Variants in OCIAD1 observed in about 807,000 individuals in gnomAD.
OCIAD1 encodes the protein OCIA domain-containing protein 1.
OCIAD1 carries 29 observed loss-of-function variants against 38.9 expected under a neutral mutation model. The ratio of observed to expected loss-of-function variants is 0.74; its 90% CI spans 0.55 to 1.02. OCIAD1 has a LOEUF of 1.02. OCIAD1 is among the 50% of genes least tolerant of loss of function. OCIAD1 has a pLI of 0.00. For missense variants in OCIAD1, 288 were observed against 289.6 expected (o/e 0.99, Z 0.04); for synonymous variants, 110 against 92.0 (o/e 1.20, Z -1.12).
intron 1 of OCIAD1, among the ~76,000 whole-genome samples, chr4:48,825,618 C>T (rs1256311204): frequency 2.0e-5 from 3 of 152,168 alleles, no homozygotes; most frequent in Non-Finnish European, 4.4e-5. Flanking sequence ...GAAACTGGCC[C>T]ATGGTCTCTG....
At chr4:48,849,411 C>G (rs1779235009) in intron 5 of OCIAD1, among the ~76,000 whole-genome samples, 1 of 152,100 alleles carries the variant, frequency 6.6e-6, no homozygotes, top group Admixed American at 6.6e-5. Context: ...CTATTTGAAA[C>G]TCATGTGATG....
In OCIAD1 at chr4:48,833,394, T is replaced by TA; in HGVS notation, c.59-2dup. 2 of 1,541,300 alleles carry TA rather than the reference T, an allele frequency of 1.3e-6. No homozygotes were observed. Among genetic ancestry groups the TA allele is most frequent in the Non-Finnish European group, 1.8e-6 (2 of 1,123,584 alleles). ...TTTAATGTTTTCTGATTTTCCCTGG[T>TA]AAAAAGACATAGGGCCTGATTACAT... On this transcript the variant is annotated splice_region_variant and splice_polypyrimidine_tract_variant and intron_variant, in intron 2 of 8. Transcript: ENST00000264312.
chr4:48,859,861 G>GC (rs1278539345), intron 8 of OCIAD1, among the ~76,000 whole-genome samples: 3 of 152,138 alleles, frequency 2.0e-5, no homozygotes, highest in African/African-American at 7.2e-5. Context: ...TCCATTAGCT[G>GC]CCAGAGCAAT....
chr4:48,825,975 T>C (rs184355055), intron 1 of OCIAD1, among the ~76,000 whole-genome samples: 1 of 152,152 alleles, frequency 6.6e-6, no homozygotes, highest in Admixed American at 6.5e-5. Flanking sequence ...TAGCTGGGAT[T>C]ACAGGCATGC....
At chr4:48,829,251 C>A (rs573866137), upstream of OCIAD1, among the ~76,000 whole-genome samples, 30 of 151,686 alleles carry the variant, frequency 2.0e-4, no homozygotes, top group Admixed American at 7.9e-4. Flanking sequence ...TAGAGCAAGG[C>A]CCTGTCCTAA....
At chr4:48,850,676 T>A (rs1779367024) in intron 6 of OCIAD1, among the ~76,000 whole-genome samples, 1 of 152,150 alleles carries the variant, frequency 6.6e-6, no homozygotes, top group Non-Finnish European at 1.5e-5. Context: ...TGGGCTCAAG[T>A]GATCCTCCTC....
intron 6 of OCIAD1, among the ~76,000 whole-genome samples, chr4:48,850,556 G>C (rs1175916467): frequency 2.6e-5 from 4 of 152,090 alleles, no homozygotes; most frequent in African/African-American, 9.7e-5. Flanking sequence ...GTGAACCACT[G>C]TGCCTGGTTC....
At chr4:48,846,502 A>C (rs11729065) in intron 4 of OCIAD1, among the ~76,000 whole-genome samples, 77,507 of 151,936 alleles carry the variant, frequency 0.51, 20,121 homozygotes, top group South Asian at 0.6. Flanking sequence ...TAATCCCAGC[A>C]CTTTGGGAGG....
At chr4:48,846,484 C>T (rs761640063) in intron 4 of OCIAD1, among the ~76,000 whole-genome samples, 9 of 152,176 alleles carry the variant, frequency 5.9e-5, no homozygotes, top group South Asian at 2.1e-4. Context: ...TACGGTGGCT[C>T]ATGCCGGTAA....
chr4:48,833,575 T>C (rs1777724685), intron 3 of OCIAD1, 94 bp downstream of exon 3: 7 of 750,348 alleles, frequency 9.3e-6, no homozygotes, highest in Non-Finnish European at 1.3e-5. Flanking sequence ...TAACTCCGTA[T>C]AGAACAAATT....
intron 1 of OCIAD1, among the ~76,000 whole-genome samples, chr4:48,825,818 T>G (rs1333716648): frequency 2.0e-5 from 3 of 151,490 alleles, no homozygotes; most frequent in African/African-American, 2.4e-5. Context: ...CTTTCTTACT[T>G]TCTTTTTCTT....
upstream of OCIAD1, among the ~76,000 whole-genome samples, chr4:48,828,629 C>T (rs1253667870): frequency 5.3e-5 from 8 of 152,012 alleles, no homozygotes; most frequent in Admixed American, 1.3e-4. Flanking sequence ...CAACTCCAGA[C>T]GGGAGGAATG....
Position 48,849,998 on chromosome 4 carries a change from G to T in OCIAD1, c.293G>T (p.Cys98Phe). 1 of 1,613,002 alleles carries T rather than the reference G, an allele frequency of 6.2e-7. No individual in the cohort carries two copies. Among genetic ancestry groups the T allele is most frequent in the Non-Finnish European group, 8.5e-7 (1 of 1,179,586 alleles). Residue 98 changes from cysteine (C) to phenylalanine (F), a missense_variant, in exon 6 of 9, where the codon TGC (cysteine) becomes TTC (phenylalanine). Transcript: ENST00000264312. Reference protein sequence around the residue: ...FAGKLSYVKTCQEKFKKLENS... With the variant: ...FAGKLSYVKTFQEKFKKLENS... ...GGAAAACTTTCTTATGTGAAAACTT[G>T]CCAAGAGAAATTCAAGAAACTTGAA...
intron 1 of OCIAD1, among the ~76,000 whole-genome samples, chr4:48,810,207 G>A (rs1024991119): frequency 9.2e-5 from 14 of 151,984 alleles, no homozygotes; most frequent in Non-Finnish European, 1.8e-4. Context: ...GTGTGTTTAA[G>A]AGATGAGATC....
intron 1 of OCIAD1, chr4:48,831,513 G>A (rs1353725214): frequency 1.5e-6 from 2 of 1,290,714 alleles, no homozygotes; most frequent in Admixed American, 2.3e-5. Flanking sequence ...GACGGACACT[G>A]GGTGGAGGAT....
chr4:48,813,579 G>T (rs779431885), intron 1 of OCIAD1, among the ~76,000 whole-genome samples: 26 of 152,226 alleles, frequency 1.7e-4, no homozygotes, highest in Non-Finnish European at 3.5e-4. Context: ...ACTTGAGCCG[G>T]GGAGGTGGAG....
chr4:48,814,525 C>A (rs1057420233), intron 1 of OCIAD1, among the ~76,000 whole-genome samples: 8 of 152,054 alleles, frequency 5.3e-5, no homozygotes, highest in African/African-American at 1.9e-4. Flanking sequence ...ATAATTTACA[C>A]AACAGCATCG....
Position 48,853,662 on chromosome 4 carries a change from A to C in OCIAD1, c.547+1687A>C, listed in dbSNP as rs376730239. Among the ~76,000 whole-genome samples, 17 of 152,328 alleles carry C rather than the reference A, an allele frequency of 1.1e-4. 1 individual carries two copies. In the South Asian group the frequency reaches 1.7e-3, roughly 15 times the overall value. On this transcript the variant is annotated intron_variant, in intron 7 of 8. Coordinates refer to ENST00000264312, the MANE Select transcript of OCIAD1 (RefSeq NM_017830.4). The stretch of plus-strand genomic sequence containing the variant: ...CTAGCCATATGTGGCTATTTAAATT[A>C]ATTAAAGTTAAATGAAATTTAAAAT...
intron 3 of OCIAD1, among the ~76,000 whole-genome samples, chr4:48,837,642 CTTTTTTT>C (rs576203754): frequency 1.0e-5 from 1 of 97,668 alleles, no homozygotes; most frequent in Non-Finnish European, 2.3e-5. Flanking sequence ...AGCAACAGTT[CTTTTTTT>C]TTTTTTTTTT....
Sources: allele counts gnomAD v4.1 joint callset (sites outside exome capture counted in the v4.1 genomes callset), GRCh38; gene constraint gnomAD v4.1.1; transcripts MANE v1.5; gene names NCBI Gene and HGNC (gene_info 2026-07-23, HGNC 2026-07-21).